Variants in ADAM23 observed in about 807,000 individuals in gnomAD.
The protein encoded by ADAM23 is disintegrin and metalloproteinase domain-containing protein 23.
Under a neutral mutation model 120.1 loss-of-function variants are expected in ADAM23, and 33 were observed. The ratio of observed to expected loss-of-function variants is 0.27; its 90% CI spans 0.21 to 0.37. The LOEUF (loss-of-function observed/expected upper bound fraction) is 0.37, where lower values mean the gene tolerates loss of function less well. ADAM23 is among the 10% of genes least tolerant of loss of function. The probability of loss-of-function intolerance (pLI) is 1.00; values close to 1 mark genes in which losing one functional copy is unlikely to be tolerated. For synonymous variants in ADAM23, 367 were observed against 375.2 expected, an observed-to-expected ratio of 0.98 and a Z score of 0.25; for missense variants, 862 against 1,058.2, an observed-to-expected ratio of 0.81 and a Z score of 2.57.
intron 24 of ADAM23, among the ~76,000 whole-genome samples, chr2:206,597,337 G>A (rs1479758617): frequency 6.6e-6 from 1 of 150,952 alleles, no homozygotes; most frequent in Admixed American, 6.6e-5. Flanking sequence ...CTGCCACTGC[G>A]CCTGGCTAAT....
chr2:206,479,033 A>G (rs1695841145), intron 2 of ADAM23, among the ~76,000 whole-genome samples: 1 of 152,212 alleles, frequency 6.6e-6, no homozygotes, highest in South Asian at 2.1e-4. Context: ...GCTGTGTCCC[A>G]GCTATCTTTA....
chr2:206,455,833 A>G (rs942117786), intron 2 of ADAM23, among the ~76,000 whole-genome samples: 2 of 152,088 alleles, frequency 1.3e-5, no homozygotes, highest in Non-Finnish European at 2.9e-5. Flanking sequence ...CCTCATTTCC[A>G]TTTCAGATCA....
At chr2:206,534,494 G>A (rs78043326) in intron 4 of ADAM23, among the ~76,000 whole-genome samples, 1 of 144,064 alleles carries the variant, frequency 6.9e-6, no homozygotes, top group South Asian at 2.2e-4. Context: ...TTTTTTTTTT[G>A]TAGTGAGAAC....
intron 20 of ADAM23, 76 bp from the exon 21 acceptor site, chr2:206,589,333 A>C: frequency 8.1e-7 from 1 of 1,230,724 alleles, no homozygotes. Flanking sequence ...GGTGTTAAAC[A>C]CTTACTGGCA....
chr2:206,567,500 A>G (rs1381576966), intron 15 of ADAM23, among the ~76,000 whole-genome samples, 178 bp downstream of exon 15: 1 of 152,196 alleles, frequency 6.6e-6, no homozygotes, highest in East Asian at 1.9e-4. Flanking sequence ...ATGAATGACA[A>G]AACCATAGAT....
In ADAM23 at chr2:206,600,018, A is replaced by G. The variant is rs10172194; in HGVS notation, c.2359+3856A>G. Among the ~76,000 whole-genome samples the G allele has an allele frequency of 7.4e-3, 1,125 of 152,248 alleles. 13 individuals are homozygous for G. The highest frequency in any genetic ancestry group is 0.023 in the African/African-American group (973 of 41,540). ...AGATCGAGACCATCCTGGCTAACAC[A>G]GTGAAGCCTCGTCTCTACTAAAAAT... On this transcript the variant is annotated intron_variant, in intron 24 of 25. Coordinates refer to ENST00000264377, the MANE Select transcript of ADAM23 (RefSeq NM_003812.4).
intron 2 of ADAM23, among the ~76,000 whole-genome samples, chr2:206,467,279 G>A (rs1043697840): frequency 6.6e-6 from 1 of 152,140 alleles, no homozygotes; most frequent in Non-Finnish European, 1.5e-5. Flanking sequence ...CTGAGATAAC[G>A]CTAGTCCCTT....
intron 4 of ADAM23, among the ~76,000 whole-genome samples, chr2:206,532,657 T>A (rs552707222): frequency 7.1e-4 from 108 of 152,296 alleles, no homozygotes; most frequent in South Asian, 5.4e-3. Flanking sequence ...GTGCACACTA[T>A]TTTATATCAA....
chr2:206,533,249 T>A (rs1697104933), intron 4 of ADAM23, among the ~76,000 whole-genome samples: 1 of 152,204 alleles, frequency 6.6e-6, no homozygotes, highest in Non-Finnish European at 1.5e-5. Flanking sequence ...CTGCCCAGGC[T>A]AGAGTGCAGT....
intron 18 of ADAM23, among the ~76,000 whole-genome samples, chr2:206,585,643 G>C (rs374961263): frequency 2.4e-4 from 37 of 152,200 alleles, no homozygotes; most frequent in African/African-American, 8.4e-4. Flanking sequence ...TTTTCTCTGT[G>C]AGCTCACAGT....
At chr2:206,598,787 C>T (rs767128393) in intron 24 of ADAM23, among the ~76,000 whole-genome samples, 1 of 150,802 alleles carries the variant, frequency 6.6e-6, no homozygotes, top group Non-Finnish European at 1.5e-5. Flanking sequence ...ATAATCCCAG[C>T]TACTTGGGAG....
chr2:206,605,679 T>A (rs1698715375), intron 24 of ADAM23: 2 of 658,424 alleles, frequency 3.0e-6, no homozygotes, highest in Admixed American at 2.4e-5. Context: ...AGCAAAAAAA[T>A]TCAATATTTA....
chr2:206,543,459 T>C (rs112810207), intron 6 of ADAM23, 143 bp downstream of exon 6: 15 of 682,198 alleles, frequency 2.2e-5, no homozygotes, highest in Middle Eastern at 2.6e-4. Flanking sequence ...ACCCTGAGTT[T>C]TGAAGTTTTA....
chr2:206,559,973 A>G lies in ADAM23; in HGVS notation c.1024A>G (p.Asn342Asp), dbSNP rs770261659. The G allele has an allele frequency of 6.2e-7, 1 of 1,613,702 alleles. No individual in the cohort carries two copies. Among genetic ancestry groups the G allele is most frequent in the Non-Finnish European group, 8.5e-7 (1 of 1,179,824 alleles). Residue 342 changes from asparagine to aspartate, a missense_variant, in exon 11 of 26, where the codon AAC becomes GAC. Coordinates refer to ENST00000264377, the MANE Select transcript of ADAM23 (RefSeq NM_003812.4). ...CCCTCAGATTTACAAGGAGCAGCTC[A>G]ACACCAGGGTTGTCCTGGTGGCTGT... ...LVDSIYKEQL[N>D]TRVVLVAVET...
chr2:206,504,297 A>T (rs894763222), intron 3 of ADAM23, among the ~76,000 whole-genome samples: 2 of 152,070 alleles, frequency 1.3e-5, no homozygotes, highest in Non-Finnish European at 2.9e-5. Flanking sequence ...AGGCTTTGTG[A>T]CTGTTTTCTT....
intron 3 of ADAM23, among the ~76,000 whole-genome samples, chr2:206,520,274 G>C (rs569900107): frequency 6.6e-6 from 1 of 152,130 alleles, no homozygotes; most frequent in Non-Finnish European, 1.5e-5. Flanking sequence ...GGTGGTGCAG[G>C]AGAAATCAAG....
At chr2:206,545,862 C>A (rs190481435) in intron 6 of ADAM23, among the ~76,000 whole-genome samples, 354 of 152,188 alleles carry the variant, frequency 2.3e-3, no homozygotes, top group Non-Finnish European at 4.0e-3. Context: ...GCCCTGGTAC[C>A]CTAACAAAAT....
intron 4 of ADAM23, among the ~76,000 whole-genome samples, chr2:206,538,115 A>G (rs890294837): frequency 6.6e-6 from 1 of 152,190 alleles, no homozygotes; most frequent in Non-Finnish European, 1.5e-5. Context: ...ACTATTAAAA[A>G]TTTACATAGC....
chr2:206,543,519 A>G (rs1697334977), intron 6 of ADAM23, among the ~76,000 whole-genome samples: 1 of 152,198 alleles, frequency 6.6e-6, no homozygotes, highest in South Asian at 2.1e-4. Context: ...AAAAGACATC[A>G]AACATAGGTT....
Sources: gnomAD v4.1 joint callset for allele counts (sites outside exome capture counted in the v4.1 genomes callset) on GRCh38, gnomAD v4.1.1 for gene constraint, MANE v1.5 for transcripts, NCBI Gene and HGNC (gene_info 2026-07-23, HGNC 2026-07-21) for gene names.